PARG: variants seen among roughly 807,000 people sequenced by gnomAD.
PARG encodes the protein poly(ADP-ribose) glycohydrolase, also known as mitochondrial poly(ADP-ribose) glycohydrolase.
Under a neutral mutation model 113.0 loss-of-function variants are expected in PARG, and 35 were observed. That is an observed-to-expected ratio of 0.31 (90% CI 0.24 to 0.41). PARG has a LOEUF of 0.41. Ranked by LOEUF, PARG falls within the 10% of genes least tolerant of loss-of-function variation. The pLI, the probability that PARG is intolerant of heterozygous loss-of-function variation, is 1.00. For synonymous variants in PARG, 330 were observed against 409.9 expected (o/e 0.81, Z 2.36); for missense variants, 797 against 1,169.4 (o/e 0.68, Z 4.64).
At chr10:49,879,631 T>C in intron 9 of PARG, 42 bp downstream of exon 9, 2 of 1,247,806 alleles carry the variant, frequency 1.6e-6, no homozygotes, top group Admixed American at 2.4e-5. Context: ...CCTTCCACCT[T>C]TGTCTTTTTC....
chr10:49,835,285 T>A (rs1037476582), intron 15 of PARG, among the ~76,000 whole-genome samples: 2 of 152,082 alleles, frequency 1.3e-5, no homozygotes, highest in Non-Finnish European at 2.9e-5. Context: ...AGAAGACTCA[T>A]CAGAAAGCTG....
intron 4 of PARG, among the ~76,000 whole-genome samples, chr10:49,923,391 A>G (rs1446841542): frequency 6.6e-6 from 1 of 152,132 alleles, no homozygotes; most frequent in Non-Finnish European, 1.5e-5. Context: ...AAATAACCAT[A>G]TTAACTTTGT....
chr10:49,926,692 A>C (rs1409842534), intron 4 of PARG, among the ~76,000 whole-genome samples: 1 of 152,178 alleles, frequency 6.6e-6, no homozygotes, highest in African/African-American at 2.4e-5. Context: ...ACCAATCGCA[A>C]ATCAAAGAAT....
chr10:49,923,867 G>A (rs1188947382), intron 4 of PARG, among the ~76,000 whole-genome samples: 7 of 151,748 alleles, frequency 4.6e-5, no homozygotes, highest in African/African-American at 1.2e-4. Context: ...TAATCACACC[G>A]CGCATGCAGA....
Position 49,885,679 on chromosome 10 carries a change from G to A in PARG, c.1738-384C>T, listed in dbSNP as rs368903860. ...CTAGACACCAAGGACTTTCTGAGAA[G>A]CCCCCAAGGACCCATCTAGTTTCAA... is the stretch of plus-strand genomic sequence containing the variant. On this transcript the variant is annotated intron_variant, in intron 7 of 17. Coordinates refer to ENST00000616448, the MANE Select transcript of PARG (RefSeq NM_003631.5). 1.0e-3 allele frequency among the ~76,000 whole-genome samples: 155 copies of A among 150,882 alleles called. 3 individuals are homozygous for A. The South Asian group carries it at 0.03, about 29-fold the overall frequency.
At chr10:49,938,880 A>G (rs1589017034) in intron 1 of PARG, among the ~76,000 whole-genome samples, 1 of 152,328 alleles carries the variant, frequency 6.6e-6, no homozygotes, top group East Asian at 1.9e-4. Flanking sequence ...TCCTAAAGGA[A>G]TCCCAAAAAT....
At position 49,819,308 on chromosome 10, in the gene PARG, G is replaced by C; in HGVS notation, c.*32C>G. 3 of 1,531,058 alleles carry C rather than the reference G, an allele frequency of 2.0e-6. No homozygotes were observed. Among genetic ancestry groups the C allele is most frequent in the Non-Finnish European group, 2.6e-6 (3 of 1,132,210 alleles). 94.8% of individuals were successfully genotyped at this position (1,531,058 alleles called of 1,614,324 possible). A position where few individuals can be genotyped will look rare whatever the true frequency, so the allele number is the denominator to read the frequency against. On this transcript the variant is annotated 3_prime_UTR_variant, in exon 18 of 18. Transcript: ENST00000616448. ...AGCTCAAACAGGACGTCTCTGGTGG[G>C]AGGTGGGAGGAGATGCTATTCGCTC...
intron 4 of PARG, among the ~76,000 whole-genome samples, chr10:49,924,393 AG>A (rs1838050083): frequency 1.3e-5 from 2 of 152,216 alleles, no homozygotes; most frequent in South Asian, 4.1e-4. Flanking sequence ...TATGAATACG[AG>A]GAACACTGTG....
intron 16 of PARG, among the ~76,000 whole-genome samples, chr10:49,826,900 T>C (rs1844386494): frequency 6.6e-6 from 1 of 152,134 alleles, no homozygotes; most frequent in African/African-American, 2.4e-5. Flanking sequence ...TGGAGACAGA[T>C]GAAAATGAGG....
At chr10:49,915,104 C>T (rs1483632924) in intron 7 of PARG, among the ~76,000 whole-genome samples, 2 of 148,774 alleles carry the variant, frequency 1.3e-5, no homozygotes, top group Admixed American at 6.7e-5. Flanking sequence ...AATATGATCC[C>T]GAAAACAGAA....
At position 49,935,287 on chromosome 10, in the gene PARG, C is replaced by A. The variant is rs2132987336; in HGVS notation, c.218-145G>T. On this transcript the variant is annotated intron_variant, in intron 1 of 17. Transcript: ENST00000616448. ...TTTGCCCTCAAGTATATGGGTAAGA[C>A]AGGAACATAAATGTTAATACATATG... is the stretch of plus-strand genomic sequence containing the variant. The A allele has an allele frequency of 1.4e-5, 8 of 572,794 alleles. No individual in the cohort carries two copies. The East Asian group carries it at 2.4e-4, about 17-fold the overall frequency. The allele number at this position is 572,794 out of a possible 1,614,324, so 35.5% of individuals were successfully genotyped here.
At chr10:49,824,239 A>T (rs868973244) in intron 16 of PARG, among the ~76,000 whole-genome samples, 2 of 152,234 alleles carry the variant, frequency 1.3e-5, no homozygotes, top group Admixed American at 6.5e-5. Flanking sequence ...AAACACTGAC[A>T]AAAGTTTATT....
intron 13 of PARG, among the ~76,000 whole-genome samples, chr10:49,844,885 G>A (rs538105968): frequency 2.4e-4 from 36 of 152,192 alleles, no homozygotes; most frequent in East Asian, 3.9e-4. Flanking sequence ...AATATGCGAC[G>A]AACTCCTACA....
intron 4 of PARG, among the ~76,000 whole-genome samples, chr10:49,927,222 G>A (rs1838216312): frequency 6.6e-6 from 1 of 151,824 alleles, no homozygotes; most frequent in Non-Finnish European, 1.5e-5. Context: ...CAGGCGAATC[G>A]CTTGAACCTG....
Position 49,935,070 on chromosome 10 carries a change from C to G in PARG, c.284+6G>C. On this transcript the variant is annotated splice_donor_region_variant and intron_variant, in intron 2 of 17. Coordinates refer to ENST00000616448, the MANE Select transcript of PARG (RefSeq NM_003631.5). ...TTCATTTCTCTACATAGGAATGTTT[C>G]TATACCTTTCTGATTCCGCTGTCTT... 2.7e-6 allele frequency: 2 copies of G among 731,682 alleles called. No individual in the cohort carries two copies. The highest frequency in any genetic ancestry group is 2.5e-6 in the Non-Finnish European group (1 of 402,664). The allele number at this position is 731,682 out of a possible 1,614,324, so 45.3% of individuals were successfully genotyped here.
chr10:49,819,709 TAAC>T (rs1385331321), intron 17 of PARG, among the ~76,000 whole-genome samples: 3 of 152,222 alleles, frequency 2.0e-5, no homozygotes, highest in Non-Finnish European at 4.4e-5. Flanking sequence ...TTGCTCATGA[TAAC>T]AACAGGCTAT....
chr10:49,843,893 C>T lies in PARG; in HGVS notation c.2354-261G>A, dbSNP rs77308968. 1.1e-4 allele frequency among the ~76,000 whole-genome samples: 16 copies of T among 152,336 alleles called. No individual in the cohort carries two copies. The East Asian group carries it at 1.5e-3, about 15-fold the overall frequency. On this transcript the variant is annotated intron_variant, in intron 13 of 17. Transcript: ENST00000616448. ...TAAAGAGAGAGGCCAGGCGCAGTGGCTCATGCCTGTAATCCCAGAGGCGGG... is the reference window on the plus strand; with the variant it reads ...TAAAGAGAGAGGCCAGGCGCAGTGGTTCATGCCTGTAATCCCAGAGGCGGG...
At chr10:49,921,035 A>G (rs1333570673) in intron 6 of PARG, among the ~76,000 whole-genome samples, 1 of 152,116 alleles carries the variant, frequency 6.6e-6, no homozygotes, top group Non-Finnish European at 1.5e-5. Flanking sequence ...GGAAGAATAT[A>G]TGGATAGGGA....
intron 13 of PARG, among the ~76,000 whole-genome samples, chr10:49,856,568 A>G (rs1554835086): frequency 6.6e-6 from 1 of 152,254 alleles, no homozygotes; most frequent in East Asian, 1.9e-4. Context: ...TGCTTCTTAT[A>G]TTTACACAAT....
Sources: gnomAD v4.1 joint callset for allele counts (sites outside exome capture counted in the v4.1 genomes callset) on GRCh38, gnomAD v4.1.1 for gene constraint, MANE v1.5 for transcripts, NCBI Gene and HGNC (gene_info 2026-07-23, HGNC 2026-07-21) for gene names.